GLIS1: variants seen among roughly 807,000 people sequenced by gnomAD.
The protein encoded by GLIS1 is zinc finger protein GLIS1.
GLIS1 carries 24 observed loss-of-function variants against 63.8 expected under a neutral mutation model. The ratio of observed to expected loss-of-function variants is 0.38; its 90% CI spans 0.27 to 0.53. The LOEUF is 0.53. Ranked by LOEUF, GLIS1 falls within the 20% of genes least tolerant of loss-of-function variation. The pLI is 0.85. For missense variants in GLIS1, 1,036 were observed against 1,074.1 expected, an observed-to-expected ratio of 0.96 and a Z score of 0.50; for synonymous variants, 450 against 482.5, an observed-to-expected ratio of 0.93 and a Z score of 0.88.
chr1:53,645,913 G>C (rs1364176962), intron 2 of GLIS1, among the ~76,000 whole-genome samples: 1 of 152,138 alleles, frequency 6.6e-6, no homozygotes, highest in Non-Finnish European at 1.5e-5. Flanking sequence ...AAGCCTTATT[G>C]ACCTGCCATG....
chr1:53,638,781 C>G (rs564987730), intron 2 of GLIS1, among the ~76,000 whole-genome samples: 8 of 152,120 alleles, frequency 5.3e-5, no homozygotes, highest in African/African-American at 1.9e-4. Flanking sequence ...GACATGAAAA[C>G]GAGGGTAAAC....
intron 2 of GLIS1, among the ~76,000 whole-genome samples, 155 bp from the exon 3 acceptor site, chr1:53,600,433 C>T (rs190493174): frequency 6.6e-6 from 1 of 152,204 alleles, no homozygotes; most frequent in Non-Finnish European, 1.5e-5. Flanking sequence ...ACCAGGATAC[C>T]TCATCTAATT....
chr1:53,712,498 G>A (rs1255586477), intron 2 of GLIS1, among the ~76,000 whole-genome samples: 1 of 152,202 alleles, frequency 6.6e-6, no homozygotes, highest in African/African-American at 2.4e-5. Flanking sequence ...TAAAGGCCCT[G>A]CAGGTCTCCT....
In GLIS1 at chr1:53,529,982, C is replaced by A. The variant is rs752990577; in HGVS notation, c.1321-30G>T. 48 of 1,604,626 alleles carry A rather than the reference C, an allele frequency of 3.0e-5. No homozygotes were observed. The Admixed American group carries it at 7.5e-4, about 25-fold the overall frequency. ...AGGAGAGGCTGGTGAGGGGAACTCC[C>A]AGCCCGGTGGGCACCCCAACCCTGC... On this transcript the variant is annotated intron_variant, in intron 4 of 10. Transcript: ENST00000628545.
chr1:53,559,421 T>C (rs1017105763), intron 4 of GLIS1, among the ~76,000 whole-genome samples: 8 of 152,110 alleles, frequency 5.3e-5, no homozygotes, highest in Non-Finnish European at 1.2e-4. Context: ...CCTTCACCTC[T>C]CCTTCCTCCC....
Position 53,639,592 on chromosome 1 carries a change from A to G in GLIS1, c.260-39314T>C, listed in dbSNP as rs1202637621. On this transcript the variant is annotated intron_variant, in intron 2 of 10. Transcript: ENST00000628545. The surrounding 1 kb of genome is among the most constrained non-coding windows in gnomAD (Gnocchi z 4.6). The stretch of plus-strand genomic sequence containing the variant: ...TTGACGGAGGCCTAGAGCTGGATCC[A>G]CCAGAGGGTGACGATAATATTTTCT... Among the ~76,000 whole-genome samples the G allele has an allele frequency of 6.6e-6, 1 of 152,088 alleles. No individual in the cohort carries two copies. Among genetic ancestry groups the G allele is most frequent in the Non-Finnish European group, 1.5e-5 (1 of 68,008 alleles).
chr1:53,663,349 G>C (rs1646050115), intron 2 of GLIS1, among the ~76,000 whole-genome samples: 1 of 152,278 alleles, frequency 6.6e-6, no homozygotes, highest in Admixed American at 6.5e-5. Flanking sequence ...CCATATCAGA[G>C]GCCTGGGGGC....
rs1327137152 is a variant in GLIS1, at chr1:53,598,080, A to G, written c.437+2021T>C. On this transcript the variant is annotated intron_variant, in intron 3 of 10. Coordinates refer to ENST00000628545, the MANE Select transcript of GLIS1 (RefSeq NM_001367484.1). This position sits in a 1 kb window ranked among gnomAD's most constrained non-coding sequence, Gnocchi z 4.6. ...CCAAACAATGCACGGCTCAAAAACT[A>G]TAAGACGCTTGCTCCTTGCTATGGA... Among the ~76,000 whole-genome samples, 1 of 152,214 alleles carries G rather than the reference A, an allele frequency of 6.6e-6. No homozygotes were observed. Among genetic ancestry groups the G allele is most frequent in the African/African-American group, 2.4e-5 (1 of 41,460 alleles).
intron 2 of GLIS1, among the ~76,000 whole-genome samples, chr1:53,619,065 T>A (rs2100591482): frequency 6.6e-6 from 1 of 152,340 alleles, no homozygotes; most frequent in East Asian, 1.9e-4. Flanking sequence ...GGCTTCATGA[T>A]CCAGAGGCGG....
At chr1:53,604,934 A>G (rs1197229519) in intron 2 of GLIS1, among the ~76,000 whole-genome samples, 3 of 11,502 alleles carry the variant, frequency 2.6e-4, no homozygotes, top group African/African-American at 2.8e-4. Context: ...GTGTGTGTGT[A>G]TATATATACA....
chr1:53,715,664 G>C (rs926811541), intron 2 of GLIS1, among the ~76,000 whole-genome samples: 6 of 152,114 alleles, frequency 3.9e-5, no homozygotes, highest in Non-Finnish European at 8.8e-5. Flanking sequence ...CGCCAGCAGG[G>C]GGCGGCAAGA....
chr1:53,511,623 C>G lies in GLIS1; in HGVS notation c.1884-1596G>C, dbSNP rs1644299089. Reference sequence around the variant, plus strand: ...GTTCATGAGACGAATCCTCATCACACCTCCAGGAATAAATTATCATTATCA... The same window carrying G: ...GTTCATGAGACGAATCCTCATCACAGCTCCAGGAATAAATTATCATTATCA... On this transcript the variant is annotated intron_variant, in intron 8 of 10. Coordinates refer to ENST00000628545, the MANE Select transcript of GLIS1 (RefSeq NM_001367484.1). The surrounding 1 kb of genome is among the most constrained non-coding windows in gnomAD (Gnocchi z 4.2). 6.6e-6 allele frequency among the ~76,000 whole-genome samples: 1 copy of G among 152,194 alleles called. No homozygotes were observed. The highest frequency in any genetic ancestry group is 6.5e-5 in the Admixed American group (1 of 15,278).
intron 2 of GLIS1, among the ~76,000 whole-genome samples, chr1:53,682,080 T>C (rs1319235358): frequency 6.6e-6 from 1 of 152,204 alleles, no homozygotes. Context: ...CTGCATGCAA[T>C]AAACTCTTGG....
At chr1:53,653,049 A>G (rs1036882744) in intron 2 of GLIS1, among the ~76,000 whole-genome samples, 1 of 152,234 alleles carries the variant, frequency 6.6e-6, no homozygotes, top group Non-Finnish European at 1.5e-5. Flanking sequence ...TCTGTCTCTC[A>G]ACACATTCTG....
At position 53,706,705 on chromosome 1, in the gene GLIS1, T is replaced by C. The variant is rs766364751; in HGVS notation, c.259+31101A>G. Among the ~76,000 whole-genome samples the C allele has an allele frequency of 1.4e-4, 22 of 152,322 alleles. No individual in the cohort carries two copies. The South Asian group carries it at 1.7e-3, about 11-fold the overall frequency. The stretch of plus-strand genomic sequence containing the variant: ...TATTGTCTGTCATGTTCCATTAGGT[T>C]CACAGGGAAAAGTACAAGTCAATAA... On this transcript the variant is annotated intron_variant, in intron 2 of 10. Coordinates refer to ENST00000628545, the MANE Select transcript of GLIS1 (RefSeq NM_001367484.1).
chr1:53,561,347 C>A (rs1428993227), intron 4 of GLIS1, among the ~76,000 whole-genome samples: 7 of 152,194 alleles, frequency 4.6e-5, no homozygotes, highest in Admixed American at 1.3e-4. Flanking sequence ...GGAAAGTCTG[C>A]ATAATCCTGG....
In GLIS1 at chr1:53,639,239, A is replaced by G. The variant is rs773495816; in HGVS notation, c.260-38961T>C. On this transcript the variant is annotated intron_variant, in intron 2 of 10. Transcript: ENST00000628545. This position sits in a 1 kb window ranked among gnomAD's most constrained non-coding sequence, Gnocchi z 4.6. Reference sequence around the variant, plus strand: ...CATGACACTGGCCACACTCTCCAGCATTACACTAAGGGAGCTGCGGGCTGG... The same window carrying G: ...CATGACACTGGCCACACTCTCCAGCGTTACACTAAGGGAGCTGCGGGCTGG... Among the ~76,000 whole-genome samples the G allele has an allele frequency of 6.6e-6, 1 of 152,158 alleles. No homozygotes were observed. Among genetic ancestry groups the G allele is most frequent in the Non-Finnish European group, 1.5e-5 (1 of 68,022 alleles).
At chr1:53,588,953 C>T (rs1302941252) in intron 4 of GLIS1, among the ~76,000 whole-genome samples, 1 of 152,208 alleles carries the variant, frequency 6.6e-6, no homozygotes, top group Non-Finnish European at 1.5e-5. Context: ...TCTCTTCTCC[C>T]TCAGGATATC....
intron 4 of GLIS1, among the ~76,000 whole-genome samples, chr1:53,533,838 A>G (rs1259711172): frequency 6.6e-6 from 1 of 152,176 alleles, no homozygotes; most frequent in Non-Finnish European, 1.5e-5. Flanking sequence ...GAGAGCGACC[A>G]TCAGTTCAGC....
Sources: gnomAD v4.1 joint callset for allele counts (sites outside exome capture counted in the v4.1 genomes callset) on GRCh38, gnomAD v4.1.1 for gene constraint, Gnocchi (gnomAD v3.1) non-coding constraint, MANE v1.5 for transcripts, NCBI Gene and HGNC (gene_info 2026-07-23, HGNC 2026-07-21) for gene names.